The following CAST variants were observed in gnomAD, a reference collection of about 807,000 sequenced individuals.
CAST encodes calpastatin.
A neutral mutation model predicts 119.6 loss-of-function variants in CAST; 76 were observed. The observed-to-expected ratio is 0.64, with a 90% CI of 0.53 to 0.77. The LOEUF (loss-of-function observed/expected upper bound fraction) is 0.77, where lower values mean the gene tolerates loss of function less well. Among genes scored for constraint, CAST ranks in the 30% least tolerant of loss-of-function variants. The pLI is 0.00. For missense variants in CAST, 953 were observed against 946.5 expected (o/e 1.01, Z -0.09); for synonymous variants, 319 against 331.6 (o/e 0.96, Z 0.41).
the CAST span, among the ~76,000 whole-genome samples, chr5:96,460,433 G>C: frequency 1.1e-4 from 16 of 151,876 alleles, no homozygotes; most frequent in African/African-American, 3.4e-4. Context: ...ATGCATGCGG[G>C]GCTTAAAACC....
the CAST span, among the ~76,000 whole-genome samples, chr5:96,010,560 C>T: frequency 6.6e-6 from 1 of 152,172 alleles, no homozygotes; most frequent in African/African-American, 2.4e-5. Flanking sequence ...GATCTGCCTG[C>T]TCCGGCCTCC....
chr5:96,054,567 T>C, the CAST span, among the ~76,000 whole-genome samples: 1 of 152,172 alleles, frequency 6.6e-6, no homozygotes, highest in African/African-American at 2.4e-5. Flanking sequence ...TTTAATTCTG[T>C]GTCAGTGATT....
intron 1 of CAST, among the ~76,000 whole-genome samples, chr5:96,666,285 A>AC (rs1749333169): frequency 1.7e-5 from 2 of 120,830 alleles, no homozygotes; most frequent in African/African-American, 7.3e-5. Flanking sequence ...CACACCACAC[A>AC]ACTCTGCAGA....
chr5:96,386,241 T>C, the CAST span, among the ~76,000 whole-genome samples: 2 of 152,224 alleles, frequency 1.3e-5, no homozygotes, highest in African/African-American at 2.4e-5. Flanking sequence ...TCCTTACCAA[T>C]TGGATGTGAG....
chr5:96,010,663 A>G, the CAST span, among the ~76,000 whole-genome samples: 2 of 152,200 alleles, frequency 1.3e-5, no homozygotes, highest in Non-Finnish European at 2.9e-5. Flanking sequence ...GTTTGACAGG[A>G]ATAGCATTGA....
chr5:96,077,613 G>T, the CAST span, among the ~76,000 whole-genome samples: 9 of 152,186 alleles, frequency 5.9e-5, no homozygotes, highest in Admixed American at 2.0e-4. Flanking sequence ...GAGGGAGTTT[G>T]TAAGTTCTCC....
At chr5:96,618,456 T>C (rs988140533) in intron 1 of CAST, among the ~76,000 whole-genome samples, 3 of 152,200 alleles carry the variant, frequency 2.0e-5, no homozygotes, top group African/African-American at 4.8e-5. Context: ...TGGGAGCCCC[T>C]CTCTGGGCTG....
the CAST span, chr5:96,432,843 T>C: frequency 6.2e-6 from 10 of 1,610,774 alleles, no homozygotes; most frequent in South Asian, 5.5e-5. Context: ...AGAAAGTTTC[T>C]TGAAAGTGGA....
chr5:96,577,507 G>A (rs1313822868), intron 1 of CAST, among the ~76,000 whole-genome samples: 1 of 151,752 alleles, frequency 6.6e-6, no homozygotes. Context: ...TGTTTTTAAT[G>A]TAAGCATTTA....
At chr5:96,355,087 T>C in the CAST span, among the ~76,000 whole-genome samples, 1 of 152,132 alleles carries the variant, frequency 6.6e-6, no homozygotes, top group Non-Finnish European at 1.5e-5. Flanking sequence ...TAGGTATAAA[T>C]GTGCCATGGT....
the CAST span, among the ~76,000 whole-genome samples, chr5:96,260,474 C>T: frequency 9.2e-3 from 1,403 of 152,276 alleles, 26 homozygotes; most frequent in African/African-American, 0.033. Context: ...TAGAAAGTAC[C>T]TTTGTGAAAG....
chr5:96,559,177 T>G (rs940479706), intron 1 of CAST, among the ~76,000 whole-genome samples: 14 of 152,114 alleles, frequency 9.2e-5, no homozygotes, highest in Non-Finnish European at 1.6e-4. Flanking sequence ...CTAAAATCTC[T>G]CAATAAATTA....
chr5:96,400,021 G>A, the CAST span: 6 of 1,614,204 alleles, frequency 3.7e-6, no homozygotes, highest in Non-Finnish European at 4.2e-6. Context: ...AGGTCCTGGG[G>A]TCAGCTAAAT....
At chr5:96,648,329 T>C (rs1748045696) in intron 1 of CAST, among the ~76,000 whole-genome samples, 1 of 152,240 alleles carries the variant, frequency 6.6e-6, no homozygotes, top group African/African-American at 2.4e-5. Context: ...TCAGCAAGAC[T>C]GTGAATGCTT....
intron 1 of CAST, among the ~76,000 whole-genome samples, chr5:96,607,786 C>A (rs1747288076): frequency 6.6e-6 from 1 of 152,110 alleles, no homozygotes; most frequent in Non-Finnish European, 1.5e-5. Flanking sequence ...CTGGTACCAG[C>A]CCAGAATAGG....
the CAST span, among the ~76,000 whole-genome samples, chr5:96,255,482 T>C: frequency 6.6e-6 from 1 of 152,218 alleles, no homozygotes; most frequent in Non-Finnish European, 1.5e-5. Context: ...AATTTTATTA[T>C]GCTTAGTGTA....
At chr5:96,183,560 TTCTTTTTTATTA>T in the CAST span, among the ~76,000 whole-genome samples, 3 of 152,198 alleles carry the variant, frequency 2.0e-5, no homozygotes, top group African/African-American at 4.8e-5. Flanking sequence ...GAAGCATTAC[TTCTTTTTTATTA>T]TCTTTGATTT....
At chr5:96,306,905 G>A in the CAST span, among the ~76,000 whole-genome samples, 1 of 152,172 alleles carries the variant, frequency 6.6e-6, no homozygotes, top group Non-Finnish European at 1.5e-5. Context: ...GCAATGTGGT[G>A]CTGAGAAGAA....
chr5:96,563,050 G>T (rs1043767238), intron 1 of CAST, among the ~76,000 whole-genome samples: 2 of 152,116 alleles, frequency 1.3e-5, no homozygotes, highest in Non-Finnish European at 2.9e-5. Flanking sequence ...ATACCTGGAG[G>T]AAAGAAACAT....
Sources: gnomAD v4.1 joint callset for allele counts (sites outside exome capture counted in the v4.1 genomes callset) on GRCh38, gnomAD v4.1.1 for gene constraint, MANE v1.5 for transcripts, NCBI Gene and HGNC (gene_info 2026-07-23, HGNC 2026-07-21) for gene names.